Variants in PACRG observed in about 807,000 individuals in gnomAD.
PACRG encodes the protein parkin coregulated.
A neutral mutation model predicts 29.7 loss-of-function variants in PACRG; 29 were observed. The ratio of observed to expected loss-of-function variants is 0.98; its 90% CI spans 0.73 to 1.33. The LOEUF (loss-of-function observed/expected upper bound fraction) is 1.33. PACRG is among the 40% of genes most tolerant of loss of function. PACRG has a pLI of 0.00. For synonymous variants in PACRG, 116 were observed against 118.7 expected (o/e 0.98, Z 0.15); for missense variants, 279 against 316.2 (o/e 0.88, Z 0.89).
chr6:162,947,349 A>ATAAT (rs1491156729), intron 2 of PACRG, among the ~76,000 whole-genome samples: 1 of 41,776 alleles, frequency 2.4e-5, no homozygotes, highest in African/African-American at 1.1e-4. Flanking sequence ...TATAATGATT[A>ATAAT]CATATATATA....
At chr6:163,144,288 C>T (rs1042520858) in intron 4 of PACRG, among the ~76,000 whole-genome samples, 3 of 149,882 alleles carry the variant, frequency 2.0e-5, no homozygotes, top group Non-Finnish European at 4.4e-5. Context: ...TGACCATGCA[C>T]TCACTCCATC....
At chr6:162,958,581 A>C (rs1002430508) in intron 2 of PACRG, among the ~76,000 whole-genome samples, 2 of 151,940 alleles carry the variant, frequency 1.3e-5, no homozygotes, top group African/African-American at 4.8e-5. Flanking sequence ...ACATTAATTT[A>C]TTCACTTGAC....
intron 4 of PACRG, among the ~76,000 whole-genome samples, chr6:163,210,075 C>G (rs1336106881): frequency 6.6e-6 from 1 of 152,160 alleles, no homozygotes; most frequent in African/African-American, 2.4e-5. Flanking sequence ...ACCATTGTCA[C>G]CCGTCATGCT....
intron 4 of PACRG, among the ~76,000 whole-genome samples, chr6:163,140,023 C>G (rs552966881): frequency 6.6e-6 from 1 of 152,306 alleles, no homozygotes; most frequent in East Asian, 1.9e-4. Flanking sequence ...CTCCTTGAAG[C>G]TTTCCCCAGT....
intron 4 of PACRG, among the ~76,000 whole-genome samples, chr6:163,213,623 T>A (rs1264116100): frequency 6.6e-6 from 1 of 152,224 alleles, no homozygotes; most frequent in Non-Finnish European, 1.5e-5. Context: ...TATACTTTTT[T>A]TATGAAGCCT....
At chr6:162,858,171 A>T (rs541442253) in intron 2 of PACRG, among the ~76,000 whole-genome samples, 35 of 152,174 alleles carry the variant, frequency 2.3e-4, no homozygotes, top group Non-Finnish European at 3.8e-4. Flanking sequence ...CATAATTTCT[A>T]AACAAAAGAG....
intron 4 of PACRG, among the ~76,000 whole-genome samples, chr6:163,237,325 G>A (rs925629151): frequency 6.6e-6 from 1 of 152,072 alleles, no homozygotes; most frequent in Non-Finnish European, 1.5e-5. Context: ...TATTGGGATT[G>A]CATACATCCT....
intron 2 of PACRG, among the ~76,000 whole-genome samples, chr6:162,844,251 C>T (rs1181791064): frequency 8.3e-4 from 127 of 152,228 alleles, no homozygotes; most frequent in African/African-American, 2.0e-3. Context: ...ACCAGCGAGA[C>T]TCCGTGGGCG....
chr6:163,240,893 C>T (rs1782479787), intron 4 of PACRG, among the ~76,000 whole-genome samples: 1 of 152,206 alleles, frequency 6.6e-6, no homozygotes, highest in Non-Finnish European at 1.5e-5. Flanking sequence ...TAGCAAGGGG[C>T]TTGCCCTTTT....
At chr6:162,803,961 A>G (rs893044491) in intron 1 of PACRG, among the ~76,000 whole-genome samples, 1 of 152,196 alleles carries the variant, frequency 6.6e-6, no homozygotes, top group Non-Finnish European at 1.5e-5. Flanking sequence ...TTGAAATAAT[A>G]TAAATTCCAA....
chr6:163,029,359 GC>G (rs1807444806), intron 2 of PACRG, among the ~76,000 whole-genome samples: 1 of 152,160 alleles, frequency 6.6e-6, no homozygotes, highest in Non-Finnish European at 1.5e-5. Context: ...TGTTACAGCA[GC>G]CATAGGAGAT....
At chr6:162,995,798 G>T (rs999149644) in intron 2 of PACRG, among the ~76,000 whole-genome samples, 1 of 152,184 alleles carries the variant, frequency 6.6e-6, no homozygotes, top group Non-Finnish European at 1.5e-5. Flanking sequence ...GTAATATCCT[G>T]TTGTGTGTAT....
chr6:163,231,059 C>G (rs1411060432), intron 4 of PACRG, among the ~76,000 whole-genome samples: 1 of 152,196 alleles, frequency 6.6e-6, no homozygotes, highest in African/African-American at 2.4e-5. Context: ...TCTGGGCCAG[C>G]AGAGAAAGTG....
rs1011108112 is a variant in PACRG, at chr6:163,290,302, A to G, written c.614-24525A>G. On this transcript the variant is annotated intron_variant, in intron 4 of 4. Transcript: ENST00000366888. ...CGCACACACACACACACACACACAC[A>G]CACACACACACACACACACACAGCA... Among the ~76,000 whole-genome samples the G allele has an allele frequency of 4.2e-3, 631 of 151,718 alleles. 4 individuals carry two copies. Among genetic ancestry groups the G allele is most frequent in the African/African-American group, 0.014 (563 of 41,380 alleles).
At chr6:163,086,024 C>A (rs1441708483) in intron 3 of PACRG, among the ~76,000 whole-genome samples, 3 of 152,220 alleles carry the variant, frequency 2.0e-5, no homozygotes, top group African/African-American at 7.2e-5. Flanking sequence ...CATGGCGGTG[C>A]TCACTACATG....
At chr6:163,112,247 T>C (rs111425422) in intron 4 of PACRG, 1,746 of 170,322 alleles carry the variant, frequency 0.01, 27 homozygotes, top group African/African-American at 0.033. Context: ...AGGTAAATTG[T>C]GGTTAATTTC....
At chr6:163,006,885 A>G (rs1007406338) in intron 2 of PACRG, among the ~76,000 whole-genome samples, 3 of 151,678 alleles carry the variant, frequency 2.0e-5, no homozygotes, top group Admixed American at 2.0e-4. Context: ...TCTCTTTTAT[A>G]CAATCTGGCA....
intron 2 of PACRG, among the ~76,000 whole-genome samples, chr6:162,814,791 G>A (rs1050153105): frequency 4.6e-5 from 7 of 152,150 alleles, no homozygotes; most frequent in East Asian, 1.9e-4. Context: ...GTCAGCAAGC[G>A]CGATGGCTGT....
Position 162,728,193 on chromosome 6 carries a change from C to A in PACRG, c.-43C>A, listed in dbSNP as rs371397991. ...CTCACATCCGTAAAGCCCACTGATT[C>A]TTTTACTACACTTTTTATGAGAACA... On this transcript the variant is annotated 5_prime_UTR_variant, in exon 1 of 5. Transcript: ENST00000366888. 2.5e-6 allele frequency: 4 copies of A among 1,598,058 alleles called. No homozygotes were observed. The highest frequency in any genetic ancestry group is 3.4e-6 in the Non-Finnish European group (4 of 1,171,444).
Sources: gnomAD v4.1 joint callset for allele counts (sites outside exome capture counted in the v4.1 genomes callset) on GRCh38, gnomAD v4.1.1 for gene constraint, MANE v1.5 for transcripts, NCBI Gene and HGNC (gene_info 2026-07-23, HGNC 2026-07-21) for gene names.